ADK: variants seen among roughly 807,000 people sequenced by gnomAD.
ADK encodes N6,N6-dimethyladenosine kinase.
In ADK, 24 loss-of-function variants were observed where a neutral mutation model predicts 44.7. That is an observed-to-expected ratio of 0.54 (90% CI 0.39 to 0.76). The LOEUF (loss-of-function observed/expected upper bound fraction) is 0.76, where lower values mean the gene tolerates loss of function less well. ADK is among the 30% of genes least tolerant of loss of function. ADK has a pLI of 0.00. For missense variants in ADK, 321 were observed against 425.1 expected, an observed-to-expected ratio of 0.76 and a Z score of 2.15; for synonymous variants, 128 against 142.6, an observed-to-expected ratio of 0.90 and a Z score of 0.73.
intron 2 of ADK, among the ~76,000 whole-genome samples, chr10:74,216,473 C>G (rs1415293755): frequency 1.3e-5 from 2 of 151,898 alleles, no homozygotes; most frequent in African/African-American, 4.8e-5. Flanking sequence ...ACCTGTAATC[C>G]TAGTACTTTG....
chr10:74,371,324 A>C (rs1842650851), intron 4 of ADK, among the ~76,000 whole-genome samples: 1 of 152,232 alleles, frequency 6.6e-6, no homozygotes, highest in East Asian at 1.9e-4. Context: ...ATATGCTTTA[A>C]CTGGATAAAT....
intron 6 of ADK, among the ~76,000 whole-genome samples, chr10:74,523,253 G>A (rs1848911372): frequency 6.6e-6 from 1 of 152,156 alleles, no homozygotes; most frequent in African/African-American, 2.4e-5. Flanking sequence ...TATCATTACT[G>A]ATGAAGCTTT....
At chr10:74,535,614 C>G (rs1197222894) in intron 7 of ADK, among the ~76,000 whole-genome samples, 2 of 133,864 alleles carry the variant, frequency 1.5e-5, no homozygotes, top group African/African-American at 5.8e-5. Context: ...CAGAGTCTTG[C>G]TCTTATTGCC....
intron 6 of ADK, among the ~76,000 whole-genome samples, chr10:74,442,127 A>G (rs1019159142): frequency 6.6e-6 from 1 of 152,030 alleles, no homozygotes; most frequent in African/African-American, 2.4e-5. Flanking sequence ...ATCTCTTTAA[A>G]AAAAGAAAAA....
At chr10:74,204,590 G>A (rs1228498814) in intron 2 of ADK, among the ~76,000 whole-genome samples, 1 of 152,102 alleles carries the variant, frequency 6.6e-6, no homozygotes, top group Non-Finnish European at 1.5e-5. Flanking sequence ...TAAACTGGGA[G>A]ATGTGTTTTA....
intron 6 of ADK, among the ~76,000 whole-genome samples, chr10:74,446,768 A>G (rs903431445): frequency 7.2e-5 from 11 of 152,102 alleles, no homozygotes; most frequent in Admixed American, 1.3e-4. Context: ...AGTTCCATCA[A>G]TTGTATTTCC....
At chr10:74,335,145 A>G (rs1841363021) in intron 4 of ADK, among the ~76,000 whole-genome samples, 1 of 152,186 alleles carries the variant, frequency 6.6e-6, no homozygotes, top group South Asian at 2.1e-4. Context: ...CCCTGTGACC[A>G]ATGTGCCATG....
At chr10:74,511,804 C>A (rs1032459369) in intron 6 of ADK, among the ~76,000 whole-genome samples, 28 of 152,024 alleles carry the variant, frequency 1.8e-4, no homozygotes, top group Admixed American at 1.4e-3. Context: ...CTTTCTCTTG[C>A]CTAATTGCTG....
In ADK at chr10:74,409,799, C is replaced by G. The variant is rs148525717; in HGVS notation, c.555+11220C>G. Among the ~76,000 whole-genome samples, 15 of 152,234 alleles carry G rather than the reference C, an allele frequency of 9.9e-5. No individual in the cohort carries two copies. In the East Asian group the frequency reaches 2.9e-3, roughly 29 times the overall value. ...AGCCTTGGTGGTAAGCAATAGAATT[C>G]ATACTTACAAAGAAACAGAAGTATA... On this transcript the variant is annotated intron_variant, in intron 6 of 10. Transcript: ENST00000539909.
intron 10 of ADK, among the ~76,000 whole-genome samples, chr10:74,678,361 A>C (rs180769629): frequency 3.9e-5 from 6 of 152,064 alleles, no homozygotes; most frequent in Non-Finnish European, 8.8e-5. Context: ...TCGTTAGTTA[A>C]AAAAATGTAA....
At chr10:74,250,443 A>G (rs1202729096) in intron 3 of ADK, among the ~76,000 whole-genome samples, 14 of 152,196 alleles carry the variant, frequency 9.2e-5, no homozygotes, top group Non-Finnish European at 1.5e-4. Flanking sequence ...TGGGTATGTC[A>G]TGGAGGGAGA....
At chr10:74,598,298 G>T (rs1258042843) in intron 8 of ADK, among the ~76,000 whole-genome samples, 1 of 149,098 alleles carries the variant, frequency 6.7e-6, no homozygotes, top group African/African-American at 2.4e-5. Flanking sequence ...TTTGTACTTG[G>T]AAAGTTTATT....
intron 10 of ADK, among the ~76,000 whole-genome samples, chr10:74,679,034 A>G (rs1356424580): frequency 1.3e-5 from 2 of 152,246 alleles, no homozygotes; most frequent in African/African-American, 4.8e-5. Context: ...GCCTGTGCTT[A>G]CCTGGACAGT....
chr10:74,683,928 G>A (rs574489465), intron 10 of ADK, among the ~76,000 whole-genome samples: 1 of 152,252 alleles, frequency 6.6e-6, no homozygotes, highest in African/African-American at 2.4e-5. Context: ...GAGTTGAGTC[G>A]ATTTGTTACC....
At chr10:74,671,479 G>C (rs1245131972) in intron 10 of ADK, among the ~76,000 whole-genome samples, 1 of 152,158 alleles carries the variant, frequency 6.6e-6, no homozygotes, top group East Asian at 1.9e-4. Context: ...TTTGGAAAGA[G>C]TCTGTACCAC....
chr10:74,453,330 T>G (rs545931198), intron 6 of ADK, among the ~76,000 whole-genome samples: 1 of 152,232 alleles, frequency 6.6e-6, no homozygotes, highest in Admixed American at 6.5e-5. Flanking sequence ...CAGCTTGGAC[T>G]GATCAATATT....
intron 6 of ADK, among the ~76,000 whole-genome samples, chr10:74,523,814 T>C (rs981883606): frequency 6.6e-6 from 1 of 152,220 alleles, no homozygotes; most frequent in African/African-American, 2.4e-5. Context: ...GTCCTGTATG[T>C]AGTACTCCTA....
At chr10:74,283,596 C>T (rs1239892804) in intron 3 of ADK, among the ~76,000 whole-genome samples, 6 of 148,448 alleles carry the variant, frequency 4.0e-5, no homozygotes, top group Non-Finnish European at 5.9e-5. Context: ...AATCTTACCC[C>T]TCTTTTTGAC....
At chr10:74,401,545 G>T (rs1386666252) in intron 6 of ADK, among the ~76,000 whole-genome samples, 1 of 151,914 alleles carries the variant, frequency 6.6e-6, no homozygotes, top group Non-Finnish European at 1.5e-5. Context: ...TGTTTTATCA[G>T]AGACTAGGAT....
Sources: gnomAD v4.1 joint callset for allele counts (sites outside exome capture counted in the v4.1 genomes callset) on GRCh38, gnomAD v4.1.1 for gene constraint, MANE v1.5 for transcripts, NCBI Gene and HGNC (gene_info 2026-07-23, HGNC 2026-07-21) for gene names.